Variants in AP4B1 observed in about 807,000 individuals in gnomAD.
The protein encoded by AP4B1 is AP-4 complex subunit beta-1.
In AP4B1, 49 loss-of-function variants were observed where a neutral mutation model predicts 76.5. The observed-to-expected ratio is 0.64, with a 90% CI of 0.51 to 0.81. AP4B1 has a LOEUF of 0.81. AP4B1 is among the 40% of genes least tolerant of loss of function. The pLI is 0.00. For missense variants in AP4B1, 911 were observed against 904.9 expected (o/e 1.01, Z -0.09); for synonymous variants, 330 against 333.3 (o/e 0.99, Z 0.11).
Position 113,895,864 on chromosome 1 carries a change from G to A in AP4B1, c.1685C>T (p.Thr562Ile). ...GGCTTTGCCATACACTGGCACCAGT[G>A]TGTTGAAGTCTGAGGCCCAGCTATT... Reference protein sequence around the residue: ...PVNSWASDFNTLVPVYGKAHW... With the variant: ...PVNSWASDFNILVPVYGKAHW... Residue 562 changes from threonine to isoleucine, a missense_variant, in exon 9 of 10, where the codon ACA becomes ATA. Transcript: ENST00000369569. 1.2e-6 allele frequency: 2 copies of A among 1,614,238 alleles called. No individual in the cohort carries two copies. The highest frequency in any genetic ancestry group is 1.7e-6 in the Non-Finnish European group (2 of 1,180,044).
upstream of AP4B1, chr1:113,904,994 G>T (rs1003178469): frequency 6.6e-5 from 30 of 452,624 alleles, no homozygotes; most frequent in Non-Finnish European, 1.2e-4. Flanking sequence ...GCTACTTCTA[G>T]GTCCTCCGCC....
At position 113,904,664 on chromosome 1, in the gene AP4B1, GCA is replaced by G; in HGVS notation, c.52_53del (p.Cys18GlnfsTer7). ...GCCTATCAGCTTGAATGTGAGGATT[GCA>G]CAGAGCCTTCTTCAGCTCCTTCACC... is the stretch of plus-strand genomic sequence containing the variant. ...DVVKELKKAL[C>X]NPHIQADRLR... On this transcript the variant is annotated frameshift_variant, in exon 1 of 10. Transcript: ENST00000369569. LOFTEE classifies it high-confidence loss of function. The G allele has an allele frequency of 6.2e-7, 1 of 1,613,288 alleles. No individual in the cohort carries two copies. Among genetic ancestry groups the G allele is most frequent in the South Asian group, 1.1e-5 (1 of 91,036 alleles).
In AP4B1 at chr1:113,894,354, G is replaced by A. The variant is rs1290435530; in HGVS notation, c.*711C>T. Among the ~76,000 whole-genome samples, 1 of 152,224 alleles carries A rather than the reference G, an allele frequency of 6.6e-6. No individual in the cohort carries two copies. Among genetic ancestry groups the A allele is most frequent in the Non-Finnish European group, 1.5e-5 (1 of 68,040 alleles). On this transcript the variant is annotated 3_prime_UTR_variant, in exon 10 of 10. Transcript: ENST00000369569. ...TATGCTCTGGCTACTTTGATAGCTT[G>A]AGGGAGGCCCCTAATGAAGGCAGTG...
chr1:113,904,616 C>T lies in AP4B1; in HGVS notation c.102G>A (p.Gln34=). The change falls in exon 1 of 10, where the codon CAG becomes CAA. Residue 34 remains glutamine (Q), a synonymous_variant. Coordinates refer to ENST00000369569, the MANE Select transcript of AP4B1 (RefSeq NM_001253852.3). ...ADRLRYRNVI[Q]RVIRYMTQGL... is the part of the protein sequence containing the mutation. ...GAGGTAGGTGATACCTAATCACTCG[C>T]TGGATGACATTCCGGTAGCGCAGCC... 2 of 1,613,980 alleles carry T rather than the reference C, an allele frequency of 1.2e-6. No homozygotes were observed. Among genetic ancestry groups the T allele is most frequent in the Non-Finnish European group, 8.5e-7 (1 of 1,179,964 alleles).
At position 113,901,956 on chromosome 1, in the gene AP4B1, C is replaced by T. The variant is rs1033628596; in HGVS notation, c.339-71G>A. ...TTGACATACCTCAGCCCCTGTTCACCTAACAGATGGTTTAGTAGATGCTGC... is the reference window on the plus strand; with the variant it reads ...TTGACATACCTCAGCCCCTGTTCACTTAACAGATGGTTTAGTAGATGCTGC... On this transcript the variant is annotated intron_variant, in intron 2 of 9. Coordinates refer to ENST00000369569, the MANE Select transcript of AP4B1 (RefSeq NM_001253852.3). The T allele has an allele frequency of 3.8e-5, 61 of 1,589,884 alleles. No individual in the cohort carries two copies. In the East Asian group the frequency reaches 1.2e-3, roughly 31 times the overall value.
rs1217654522 is a variant in AP4B1, at chr1:113,894,196, T to TAAA, written c.*868_*869insTTT. On this transcript the variant is annotated 3_prime_UTR_variant, in exon 10 of 10. Transcript: ENST00000369569. ...TTTTTCCCATTCTGGATTCGCTATT[T>TAAA]ATATTTTACCATCATTTTATTAGAT... Among the ~76,000 whole-genome samples the TAAA allele has an allele frequency of 6.6e-6, 1 of 152,226 alleles. No homozygotes were observed. The highest frequency in any genetic ancestry group is 2.4e-5 in the African/African-American group (1 of 41,458).
In AP4B1 at chr1:113,895,984, A is replaced by G. The variant is rs949969205; in HGVS notation, c.1565T>C (p.Leu522Pro). The change falls in exon 9 of 10, where the codon CTC becomes CCC. Residue 522 changes from leucine to proline, a missense_variant. Coordinates refer to ENST00000369569, the MANE Select transcript of AP4B1 (RefSeq NM_001253852.3). ...RDRGLFYYRL[L>P]LVGIDEVKRI... ...CTTAACTTCATCAATGCCAACTAAGAGGAGGCGATAATAGAAGAGACCTCG... is the reference window on the plus strand; with the variant it reads ...CTTAACTTCATCAATGCCAACTAAGGGGAGGCGATAATAGAAGAGACCTCG... 3 of 1,614,220 alleles carry G rather than the reference A, an allele frequency of 1.9e-6. No individual in the cohort carries two copies. The South Asian group carries it at 3.3e-5, about 18-fold the overall frequency.
At chr1:113,902,326 C>T (rs374609197) in intron 2 of AP4B1, among the ~76,000 whole-genome samples, 3 of 152,132 alleles carry the variant, frequency 2.0e-5, no homozygotes, top group East Asian at 3.9e-4. Flanking sequence ...CCACTGTGCC[C>T]AGCCTAATTT....
At chr1:113,902,954 C>T in intron 1 of AP4B1, 92 bp from the exon 2 acceptor site, 1 of 1,155,016 alleles carries the variant, frequency 8.7e-7, no homozygotes, top group South Asian at 1.3e-5. Context: ...GATTACCCAA[C>T]TAGATTGTGA....
Position 113,896,306 on chromosome 1 carries a change from G to A in AP4B1, c.1462C>T (p.Pro488Ser). ...TALLRLFLSRPAECQDMLGRL... is the reference protein window; with the variant it reads ...TALLRLFLSRSAECQDMLGRL... ...CCTAGCATGTCCTGGCACTCAGCAG[G>A]TCGGGAGAGGAAAAGGCGCAGCAAA... The change falls in exon 8 of 10, where the codon CCT becomes TCT. Residue 488 changes from proline (P) to serine (S), a missense_variant. By Grantham distance (74) the Pro-to-Ser change is moderately conservative. Coordinates refer to ENST00000369569, the MANE Select transcript of AP4B1 (RefSeq NM_001253852.3). 7.4e-6 allele frequency: 12 copies of A among 1,614,174 alleles called. No homozygotes were observed. Among genetic ancestry groups the A allele is most frequent in the Non-Finnish European group, 1.0e-5 (12 of 1,180,026 alleles).
chr1:113,904,539 G>A, intron 1 of AP4B1, 66 bp downstream of exon 1: 1 of 1,441,228 alleles, frequency 6.9e-7, no homozygotes, highest in East Asian at 2.3e-5. Context: ...AGAGAGACTG[G>A]GGCTAGTGAG....
chr1:113,901,685 G>A (rs1668283996), intron 3 of AP4B1, 70 bp downstream of exon 3: 1 of 1,593,158 alleles, frequency 6.3e-7, no homozygotes, highest in Non-Finnish European at 8.6e-7. Flanking sequence ...TTCTACCAAA[G>A]CCACACAATC....
At chr1:113,900,833 C>T (rs865901255) in intron 4 of AP4B1, 56 of 279,100 alleles carry the variant, frequency 2.0e-4, no homozygotes, top group Non-Finnish European at 1.0e-4. Context: ...ACTGGCCGGG[C>T]GCAGTGGCTC....
At chr1:113,896,093 T>G in intron 8 of AP4B1, 55 bp from the exon 9 acceptor site, 1 of 1,612,208 alleles carries the variant, frequency 6.2e-7, no homozygotes, top group Non-Finnish European at 8.5e-7. Flanking sequence ...TTCCTCCTAC[T>G]CTTGTGCCAA....
In AP4B1 at chr1:113,900,275, C is replaced by T. The variant is rs1668068364; in HGVS notation, c.743G>A (p.Ser248Asn). The change falls in exon 5 of 10, where the codon AGC becomes AAC. Residue 248 changes from serine (S) to asparagine (N), a missense_variant. Coordinates refer to ENST00000369569, the MANE Select transcript of AP4B1 (RefSeq NM_001253852.3). The stretch of plus-strand genomic sequence containing the variant: ...GGTAGCTCCCATCACCACACCTGGG[C>T]TACTGCTCTTGAGGAAACTATCCAA... ...NLLDSFLKSSSPGVVMGATKL... is the reference protein window; with the variant it reads ...NLLDSFLKSSNPGVVMGATKL... 6.2e-7 allele frequency: 1 copy of T among 1,605,104 alleles called. No individual in the cohort carries two copies. The highest frequency in any genetic ancestry group is 8.5e-7 in the Non-Finnish European group (1 of 1,174,798).
chr1:113,898,914 A>T (rs1294876669), intron 5 of AP4B1, 113 bp from the exon 6 acceptor site: 1 of 1,064,522 alleles, frequency 9.4e-7, no homozygotes, highest in African/African-American at 1.6e-5. Flanking sequence ...AAAAAAAAAA[A>T]AAAGAAAAAA....
chr1:113,898,016 T>C (rs938213650), intron 6 of AP4B1, 73 bp from the exon 7 acceptor site: 64 of 1,607,356 alleles, frequency 4.0e-5, no homozygotes, highest in Middle Eastern at 1.9e-4. Context: ...AGAACAGTCA[T>C]GTATTCAGAC....
At chr1:113,903,388 C>T (rs1332062597) in intron 1 of AP4B1, among the ~76,000 whole-genome samples, 1 of 152,204 alleles carries the variant, frequency 6.6e-6, no homozygotes, top group Non-Finnish European at 1.5e-5. Context: ...TATTGAATCC[C>T]TAGTACTTTG....
rs1023999542 is a variant in AP4B1 at position 113,894,645 on chromosome 1, A to G, written c.*420T>C. The stretch of plus-strand genomic sequence containing the variant: ...CTTTAGATGACATTAAGGACTTTGG[A>G]ATCTGGCCTAAAAGCATGATTGGAA... On this transcript the variant is annotated 3_prime_UTR_variant, in exon 10 of 10. Coordinates refer to ENST00000369569, the MANE Select transcript of AP4B1 (RefSeq NM_001253852.3). 2 of 203,336 alleles carry G rather than the reference A, an allele frequency of 9.8e-6. No individual in the cohort carries two copies. The highest frequency in any genetic ancestry group is 4.8e-5 in the African/African-American group (2 of 42,032). 12.6% of individuals were successfully genotyped at this position (203,336 alleles called of 1,614,324 possible). A position where few individuals can be genotyped will look rare whatever the true frequency, so the allele number is the denominator to read the frequency against.
Sources: allele counts gnomAD v4.1 joint callset (sites outside exome capture counted in the v4.1 genomes callset), GRCh38; gene constraint gnomAD v4.1.1; transcripts MANE v1.5; gene names NCBI Gene and HGNC (gene_info 2026-07-23, HGNC 2026-07-21).